The following RPGR variants were observed in gnomAD, a reference collection of about 807,000 sequenced individuals.
RPGR encodes the protein X-linked retinitis pigmentosa GTPase regulator.
RPGR carries 10 observed loss-of-function variants against 56.3 expected under a neutral mutation model. That is an observed-to-expected ratio of 0.18 (90% confidence interval 0.11 to 0.30). The LOEUF (loss-of-function observed/expected upper bound fraction) is 0.30, where lower values mean the gene tolerates loss of function less well. Ranked by LOEUF, RPGR falls within the 10% of genes least tolerant of loss-of-function variation. RPGR has a pLI of 1.00. For missense variants in RPGR, 538 were observed against 590.9 expected (o/e 0.91, Z 0.93); for synonymous variants, 197 against 212.9 (o/e 0.93, Z 0.65).
chrX:38,324,331 A>G (rs189611951), intron 1 of RPGR, among the ~76,000 whole-genome samples: 268 of 110,808 alleles, frequency 2.4e-3, no homozygotes, highest in African/African-American at 8.5e-3. Flanking sequence ...CTCAGGTCTC[A>G]AACTCCTGGG....
At chrX:38,324,000 CA>C (rs1433818983) in intron 1 of RPGR, among the ~76,000 whole-genome samples, 1 of 112,087 alleles carries the variant, frequency 8.9e-6, no homozygotes, top group Admixed American at 9.4e-5. Flanking sequence ...CTCTATCAGT[CA>C]ATTTGGATTT....
intron 11 of RPGR, among the ~76,000 whole-genome samples, chrX:38,296,698 T>C (rs764271347): frequency 8.9e-6 from 1 of 111,994 alleles, no homozygotes; most frequent in Non-Finnish European, 1.9e-5. Flanking sequence ...TATTATTAAA[T>C]AAATTTCAAA....
intron 15 of RPGR, chrX:38,285,402 C>A: frequency 9.1e-7 from 1 of 1,103,439 alleles, no homozygotes. Flanking sequence ...CTTAACACAG[C>A]TGCATCAGTT....
intron 9 of RPGR, among the ~76,000 whole-genome samples, chrX:38,301,045 G>T (rs147907521): frequency 0.02 from 2,242 of 111,736 alleles, 38 homozygotes; most frequent in Middle Eastern, 0.051. Flanking sequence ...AAAAGGAAGA[G>T]GCTAAAGGAG....
chrX:38,277,388 T>C (rs2147170657), intron 15 of RPGR, among the ~76,000 whole-genome samples: 1 of 111,826 alleles, frequency 8.9e-6, no homozygotes, highest in Admixed American at 9.5e-5. Flanking sequence ...TCTATGGATT[T>C]GATAGACTGA....
intron 8 of RPGR, among the ~76,000 whole-genome samples, chrX:38,301,763 A>G (rs748928014): frequency 1.2e-4 from 13 of 111,238 alleles, no homozygotes; most frequent in Admixed American, 3.8e-4. Flanking sequence ...GGTCACTGAT[A>G]GATCAGAGTT....
intron 14 of RPGR, 143 bp downstream of exon 14, chrX:38,287,714 TCTGA>T (rs747563815): frequency 2.4e-5 from 14 of 576,102 alleles, no homozygotes; most frequent in Non-Finnish European, 4.1e-5. Flanking sequence ...TCTGATTCCT[TCTGA>T]CTGTGTCCTC....
chrX:38,282,777 T>TCAGCAG (rs749108562), intron 15 of RPGR, among the ~76,000 whole-genome samples: 1,100 of 105,776 alleles, frequency 0.01, 11 homozygotes, highest in African/African-American at 0.032. Flanking sequence ...CTGCTGCTGT[T>TCAGCAG]CAGCAGCAGC....
intron 15 of RPGR, chrX:38,276,850 T>C: frequency 2.4e-6 from 2 of 833,591 alleles, no homozygotes; most frequent in African/African-American, 2.0e-5. Context: ...CTGTCATAAA[T>C]AATTTGTGTC....
intron 15 of RPGR, chrX:38,284,448 G>A: frequency 9.3e-6 from 7 of 750,014 alleles, no homozygotes; most frequent in Non-Finnish European, 1.1e-5. Context: ...TTCTGACAAG[G>A]AACAGACAAA....
intron 13 of RPGR, among the ~76,000 whole-genome samples, chrX:38,290,719 A>C (rs1403074307): frequency 9.0e-6 from 1 of 111,557 alleles, no homozygotes; most frequent in East Asian, 2.8e-4. Flanking sequence ...ATTATAACTT[A>C]AGTTAATGAT....
intron 17 of RPGR, among the ~76,000 whole-genome samples, chrX:38,274,878 T>C (rs1267243195): frequency 8.9e-6 from 1 of 112,341 alleles, no homozygotes; most frequent in African/African-American, 3.2e-5. Context: ...GCAATATTTG[T>C]ATGTGAAGAA....
intron 7 of RPGR, 41 bp downstream of exon 7, chrX:38,310,574 C>T (rs1000109075): frequency 2.5e-6 from 3 of 1,197,909 alleles, no homozygotes; most frequent in Non-Finnish European, 3.4e-6. Context: ...TCATTAGCCA[C>T]CACAGAACGC....
intron 16 of RPGR, chrX:38,276,506 C>T (rs1476270176): frequency 4.0e-6 from 4 of 987,699 alleles, no homozygotes; most frequent in Non-Finnish European, 5.7e-6. Flanking sequence ...CCAAAGGCAA[C>T]TGGAATCTGT....
At chrX:38,308,351 C>T (rs1401719283) in intron 7 of RPGR, 1 of 112,205 alleles carries the variant, frequency 8.9e-6, no homozygotes, top group East Asian at 2.8e-4. Context: ...ACAAAGTCCA[C>T]AGAAAGTTAA....
At chrX:38,274,994 A>C in intron 17 of RPGR, 1 of 691,195 alleles carries the variant, frequency 1.4e-6, no homozygotes, top group Non-Finnish European at 2.3e-6. Context: ...GTAAACTTAT[A>C]TGTAAGCTTA....
intron 16 of RPGR, among the ~76,000 whole-genome samples, chrX:38,275,303 G>A (rs2066915197): frequency 9.0e-6 from 1 of 110,981 alleles, no homozygotes. Flanking sequence ...TAAAGTGAGG[G>A]GCCTTAGATG....
chrX:38,291,147 A>AT, intron 12 of RPGR, 123 bp from the exon 13 acceptor site: 1 of 189,437 alleles, frequency 5.3e-6, no homozygotes, highest in Non-Finnish European at 9.5e-6. Context: ...ATATATATAT[A>AT]AAATGAAGGG....
Position 38,276,515 on chromosome X carries a change from G to C in RPGR, c.2091+72C>G, listed in dbSNP as rs772121304. ...CTGATCCCAAAGGCAACTGGAATCT[G>C]TCCTCTGCAGAAACTAGAGAACCCA... On this transcript the variant is annotated intron_variant, in intron 16 of 18. Coordinates refer to ENST00000642395, the MANE Select transcript of RPGR (RefSeq NM_000328.3). 587 of 1,044,132 alleles carry C rather than the reference G, an allele frequency of 5.6e-4. 4 individuals are homozygous for C. The South Asian group carries it at 0.01, about 19-fold the overall frequency. 86.0% of individuals were successfully genotyped at this position (1,044,132 alleles called of 1,213,427 possible). A position where few individuals can be genotyped will look rare whatever the true frequency, so the allele number is the denominator to read the frequency against.
Sources: allele counts gnomAD v4.1 joint callset (sites outside exome capture counted in the v4.1 genomes callset), GRCh38; gene constraint gnomAD v4.1.1; transcripts MANE v1.5; gene names NCBI Gene and HGNC (gene_info 2026-07-23, HGNC 2026-07-21).